Variants in ZNF711 observed in about 807,000 individuals in gnomAD.
ZNF711 encodes zinc finger protein 711.
A neutral mutation model predicts 43.5 loss-of-function variants in ZNF711; 3 were observed. The observed-to-expected ratio is 0.07, with a 90% confidence interval of 0.03 to 0.18. ZNF711 has a LOEUF of 0.18. Ranked by LOEUF, ZNF711 falls within the 10% of genes least tolerant of loss-of-function variation. The probability of loss-of-function intolerance (pLI) is 1.00; values close to 1 mark genes in which losing one functional copy is unlikely to be tolerated. For synonymous variants in ZNF711, 209 were observed against 207.7 expected, an observed-to-expected ratio of 1.01 and a Z score of -0.06; for missense variants, 412 against 604.0, an observed-to-expected ratio of 0.68 and a Z score of 3.33.
rs12557688 is a variant in ZNF711 at position 85,267,998 on chromosome X, T to C, written c.1055-296T>C. On this transcript the variant is annotated intron_variant, in intron 8 of 10. Coordinates refer to ENST00000674551, the MANE Select transcript of ZNF711 (RefSeq NM_001330574.2). ...TCTTCCAAAGGTTCATTCATTCAGT[T>C]ATTTATTGAGCATCTTCAAAGTTAG... 0.21 allele frequency among the ~76,000 whole-genome samples: 23,534 copies of C among 110,596 alleles called. 2,383 individuals carry two copies. The highest frequency in any genetic ancestry group is 0.39 in the African/African-American group (11,945 of 30,370).
Position 85,255,276 on chromosome X carries a change from A to G in ZNF711, c.97A>G (p.Thr33Ala), listed in dbSNP as rs1167201934. The G allele has an allele frequency of 8.3e-7, 1 of 1,211,278 alleles. No homozygotes were observed. Among genetic ancestry groups the G allele is most frequent in the Non-Finnish European group, 1.1e-6 (1 of 894,997 alleles). The part of the protein sequence containing the change: ...MQDFVAGMAG[T>A]AHIDGDHIVV... ...TATTATAGTGGCTGGAATGGCTGGT[A>G]CTGCACATATCGATGGAGACCATAT... is the stretch of plus-strand genomic sequence containing the variant. Residue 33 changes from threonine to alanine, a missense_variant, in exon 5 of 11, where the codon ACT (threonine) becomes GCT (alanine). Physicochemically the swap from Thr to Ala is moderately conservative, Grantham distance 58 (BLOSUM62 0). Coordinates refer to ENST00000674551, the MANE Select transcript of ZNF711 (RefSeq NM_001330574.2).
intron 5 of ZNF711, among the ~76,000 whole-genome samples, 178 bp downstream of exon 5, chrX:85,255,979 C>G (rs1055155429): frequency 1.8e-5 from 2 of 111,251 alleles, no homozygotes; most frequent in Non-Finnish European, 3.8e-5. Context: ...TTAATTTATT[C>G]AATGAAAATT....
intron 5 of ZNF711, among the ~76,000 whole-genome samples, chrX:85,257,268 C>G (rs1177269040): frequency 1.8e-5 from 2 of 111,020 alleles, no homozygotes; most frequent in Admixed American, 1.9e-4. Flanking sequence ...ATCCCATCTC[C>G]TAGGTACTGA....
intron 3 of ZNF711, 33 bp from the exon 4 acceptor site, chrX:85,247,514 A>G (rs749596656): frequency 9.8e-6 from 10 of 1,025,105 alleles, no homozygotes; most frequent in Non-Finnish European, 1.2e-5. Flanking sequence ...GACTAAATAT[A>G]TTAAACTATT....
chrX:85,266,711 A>T (rs1931126333), intron 7 of ZNF711, among the ~76,000 whole-genome samples: 1 of 109,508 alleles, frequency 9.1e-6, no homozygotes, highest in Non-Finnish European at 1.9e-5. Flanking sequence ...AGCTCATTTA[A>T]TGCTTTCTCT....
chrX:85,253,701 C>A (rs1361876171), intron 4 of ZNF711, among the ~76,000 whole-genome samples: 1 of 109,004 alleles, frequency 9.2e-6, no homozygotes, highest in East Asian at 2.9e-4. Flanking sequence ...TGTGTAAATA[C>A]CACCACAATG....
Position 85,271,937 on chromosome X carries a change from C to G in ZNF711, c.*109C>G. The stretch of plus-strand genomic sequence containing the variant: ...TTCAAAGCTTGATACTAAACCATGA[C>G]TTTACATTCTTTGTATTAAAGATCT... On this transcript the variant is annotated 3_prime_UTR_variant, in exon 11 of 11. Transcript: ENST00000674551. 2 of 586,960 alleles carry G rather than the reference C, an allele frequency of 3.4e-6. No individual in the cohort carries two copies. Among genetic ancestry groups the G allele is most frequent in the South Asian group, 5.6e-5 (2 of 35,604 alleles). 48.4% of individuals were successfully genotyped at this position (586,960 alleles called of 1,213,427 possible). A position where few individuals can be genotyped will look rare whatever the true frequency, so the allele number is the denominator to read the frequency against.
rs1244428264 is a variant in ZNF711, at chrX:85,244,160, A to AGCG, written c.-428_-426dup. 6.7e-6 allele frequency: 1 copy of AGCG among 150,279 alleles called. No individual in the cohort carries two copies. 12.4% of individuals were successfully genotyped at this position (150,279 alleles called of 1,213,427 possible). A position where few individuals can be genotyped will look rare whatever the true frequency, so the allele number is the denominator to read the frequency against. On this transcript the variant is annotated 5_prime_UTR_variant, in exon 1 of 11. Transcript: ENST00000674551. ...CGGCGGCGGCGGCAGCGGCGGCGGC[A>AGCG]GCGGCGGCGGCAGCTGTAGCTGCAG...
At chrX:85,260,706 T>C (rs954343433) in intron 5 of ZNF711, among the ~76,000 whole-genome samples, 4 of 110,781 alleles carry the variant, frequency 3.6e-5, no homozygotes, top group African/African-American at 1.3e-4. Flanking sequence ...ATTTTATGTC[T>C]GGCTTTTTTT....
chrX:85,263,877 T>C (rs1040377760), intron 5 of ZNF711, among the ~76,000 whole-genome samples: 7 of 110,932 alleles, frequency 6.3e-5, no homozygotes, highest in Non-Finnish European at 1.1e-4. Flanking sequence ...TGAACCTTGA[T>C]GCTTTTTTAA....
intron 7 of ZNF711, among the ~76,000 whole-genome samples, chrX:85,265,540 T>C (rs987697630): frequency 9.0e-6 from 1 of 110,941 alleles, no homozygotes; most frequent in African/African-American, 3.3e-5. Flanking sequence ...CTCAAAAATA[T>C]GTAATTACTG....
rs868601241 is a variant in ZNF711 at position 85,260,613 on chromosome X, C to G, written c.623-3662C>G. Among the ~76,000 whole-genome samples the G allele has an allele frequency of 4.6e-5, 5 of 108,575 alleles. No homozygotes were observed. In the Admixed American group the frequency reaches 4.9e-4, roughly 11 times the overall value. The allele number at this position is 108,575 out of a possible 115,157, so 94.3% of individuals were successfully genotyped here. On this transcript the variant is annotated intron_variant, in intron 5 of 10. Coordinates refer to ENST00000674551, the MANE Select transcript of ZNF711 (RefSeq NM_001330574.2). ...ATACCCTTTAGCTGTTAGCCCCCCC[C>G]CCATCCACTCTGAGGCAACCATGCC...
At chrX:85,268,482 G>A (rs1348843245) in intron 9 of ZNF711, 141 bp downstream of exon 9, 4 of 662,876 alleles carry the variant, frequency 6.0e-6, no homozygotes, top group Non-Finnish European at 9.1e-6. Context: ...AGTTAGTTAG[G>A]AGTTTCTTCT....
rs1931002855 is a variant in ZNF711, at chrX:85,265,270, G to A, written c.916+15G>A. ...AGATGATATCAGTAAGAAAATAAGGGCACTGTAGTGACTTATCAGTAGCCA... is the reference window on the plus strand; with the variant it reads ...AGATGATATCAGTAAGAAAATAAGGACACTGTAGTGACTTATCAGTAGCCA... On this transcript the variant is annotated intron_variant, in intron 7 of 10. Transcript: ENST00000674551. 1.7e-6 allele frequency: 2 copies of A among 1,202,370 alleles called. No individual in the cohort carries two copies. The highest frequency in any genetic ancestry group is 6.0e-5 in the East Asian group (2 of 33,508).
chrX:85,247,386 C>T (rs372566200), intron 3 of ZNF711, 161 bp from the exon 4 acceptor site: 33 of 373,004 alleles, frequency 8.8e-5, no homozygotes, highest in African/African-American at 8.1e-4. Context: ...TTATGGTTGT[C>T]ACATAAAGCA....
intron 1 of ZNF711, among the ~76,000 whole-genome samples, chrX:85,244,413 C>T (rs1367234661): frequency 2.7e-5 from 3 of 111,731 alleles, no homozygotes; most frequent in Non-Finnish European, 5.7e-5. Context: ...GGTTTTCCCC[C>T]TTAGCCAACC....
chrX:85,255,822 A>T, intron 5 of ZNF711, 21 bp downstream of exon 5: 2 of 1,200,252 alleles, frequency 1.7e-6, no homozygotes, highest in East Asian at 5.9e-5. Context: ...CATAAAGCCC[A>T]TAATTACTCA....
At chrX:85,263,125 G>T (rs1393592294) in intron 5 of ZNF711, among the ~76,000 whole-genome samples, 7 of 110,519 alleles carry the variant, frequency 6.3e-5, no homozygotes, top group African/African-American at 2.3e-4. Context: ...AGCATTAAAA[G>T]AATAAATTAT....
At chrX:85,245,834 T>C (rs1473763763) in intron 1 of ZNF711, 69 bp from the exon 2 acceptor site, 1 of 112,166 alleles carries the variant, frequency 8.9e-6, no homozygotes, top group Non-Finnish European at 1.9e-5. Context: ...AAGAAAAATA[T>C]TAAGTTGTGT....
Sources: gnomAD v4.1 joint callset for allele counts (sites outside exome capture counted in the v4.1 genomes callset) on GRCh38, gnomAD v4.1.1 for gene constraint, MANE v1.5 for transcripts, NCBI Gene and HGNC (gene_info 2026-07-23, HGNC 2026-07-21) for gene names.